ABCA4: variants seen among roughly 807,000 people sequenced by gnomAD.
ABCA4 encodes the protein retinal-specific phospholipid-transporting ATPase ABCA4.
A neutral mutation model predicts 263.7 loss-of-function variants in ABCA4; 196 were observed. The observed-to-expected ratio is 0.74, with a 90% CI of 0.66 to 0.84. ABCA4 has a LOEUF of 0.84. Ranked by LOEUF, ABCA4 falls within the 40% of genes least tolerant of loss-of-function variation. The probability of loss-of-function intolerance (pLI) is 0.00; values close to 1 mark genes in which losing one functional copy is unlikely to be tolerated. For synonymous variants in ABCA4, 1,133 were observed against 1,094.2 expected, an observed-to-expected ratio of 1.04 and a Z score of -0.70; for missense variants, 2,792 against 2,855.1, an observed-to-expected ratio of 0.98 and a Z score of 0.50.
chr1:94,031,912 G>A lies in ABCA4; in HGVS notation c.3994C>T (p.Gln1332Ter), dbSNP rs61752428. The A allele has an allele frequency of 1.2e-6, 2 of 1,614,046 alleles. No individual in the cohort carries two copies. Among genetic ancestry groups the A allele is most frequent in the Non-Finnish European group, 1.7e-6 (2 of 1,180,028 alleles). Residue 1332 changes from glutamine (Q) to a stop codon, truncating the protein, a stop_gained, in exon 27 of 50, where the codon CAG becomes TAG. Transcript: ENST00000370225. LOFTEE classifies it high-confidence loss of function. ...GGGCACTCTGGCTCTGGGGGAGGCT[G>A]GCCCTCTGGGTGAGCAGCCGGCGCC... The part of the protein sequence containing the change: ...PGAPAAHPEG[Q>*]PPPEPECPGP...
chr1:94,051,498 G>C (rs1660838102), intron 17 of ABCA4, 135 bp downstream of exon 17: 3 of 799,770 alleles, frequency 3.8e-6, no homozygotes, highest in Non-Finnish European at 6.4e-6. Flanking sequence ...TCAAGGGGCA[G>C]AGCCCCAGGA....
At chr1:94,111,410 C>G (rs1188621654) in intron 3 of ABCA4, 28 bp downstream of exon 3, 1 of 1,612,800 alleles carries the variant, frequency 6.2e-7, no homozygotes, top group East Asian at 2.2e-5. Flanking sequence ...AACTTCCTCC[C>G]CTGCATGGTA....
At chr1:94,062,501 A>AC in intron 13 of ABCA4, 76 bp downstream of exon 13, 2 of 1,557,790 alleles carry the variant, frequency 1.3e-6, no homozygotes, top group Non-Finnish European at 8.8e-7. Flanking sequence ...CCTTGAGGGC[A>AC]CCCCCAGCCC....
chr1:94,034,107 T>G (rs562620588), intron 26 of ABCA4, among the ~76,000 whole-genome samples: 1 of 152,294 alleles, frequency 6.6e-6, no homozygotes, highest in African/African-American at 2.4e-5. Flanking sequence ...GCATTGACCC[T>G]TGTTGGAGGC....
Position 94,060,528 on chromosome 1 carries a change from T to C in ABCA4, c.2160+9A>G, listed in dbSNP as rs1447782860. 9 of 1,612,572 alleles carry C rather than the reference T, an allele frequency of 5.6e-6. No homozygotes were observed. In the Admixed American group the frequency reaches 1.5e-4, roughly 27 times the overall value. On this transcript the variant is annotated intron_variant, in intron 14 of 49. Transcript: ENST00000370225. ...TCAAGATTTTCTGGGCCTTCTCCATTTGGCTTACCATGATGAATATCGTCA... is the reference window on the plus strand; with the variant it reads ...TCAAGATTTTCTGGGCCTTCTCCATCTGGCTTACCATGATGAATATCGTCA...
intron 18 of ABCA4, among the ~76,000 whole-genome samples, chr1:94,048,520 C>T (rs1303888626): frequency 6.6e-6 from 1 of 152,214 alleles, no homozygotes. Flanking sequence ...CCTTATAGCT[C>T]ATATCCGCTT....
chr1:94,050,016 T>A (rs890434620), intron 17 of ABCA4, among the ~76,000 whole-genome samples: 2 of 152,134 alleles, frequency 1.3e-5, no homozygotes, highest in African/African-American at 4.8e-5. Flanking sequence ...CAAGTGCACA[T>A]ACAGGAGCAG....
chr1:94,035,746 T>C (rs1277422510), intron 26 of ABCA4, among the ~76,000 whole-genome samples: 1 of 152,188 alleles, frequency 6.6e-6, no homozygotes, highest in Non-Finnish European at 1.5e-5. Context: ...GGTGGACACC[T>C]CGTGTTCTAT....
At chr1:94,013,227 G>C (rs114831594) in intron 38 of ABCA4, among the ~76,000 whole-genome samples, 11 of 33,206 alleles carry the variant, frequency 3.3e-4, no homozygotes, top group African/African-American at 5.0e-4. Flanking sequence ...TTATCCCCCC[G>C]CCTTTCCAGA....
chr1:94,065,164 T>C (rs1052145982), intron 11 of ABCA4, among the ~76,000 whole-genome samples: 4 of 151,812 alleles, frequency 2.6e-5, no homozygotes, highest in Non-Finnish European at 5.9e-5. Flanking sequence ...CCTAGAGTTC[T>C]TCCTGCCACA....
intron 8 of ABCA4, among the ~76,000 whole-genome samples, 194 bp from the exon 9 acceptor site, chr1:94,079,655 T>C (rs1661636716): frequency 6.6e-6 from 1 of 152,160 alleles, no homozygotes; most frequent in African/African-American, 2.4e-5. Context: ...TGACTCTCAG[T>C]AATGGCCTCA....
chr1:94,049,040 G>C, intron 17 of ABCA4, 83 bp from the exon 18 acceptor site: 1 of 1,354,674 alleles, frequency 7.4e-7, no homozygotes, highest in East Asian at 2.3e-5. Flanking sequence ...GAGGTACAGG[G>C]AGCAAATGAG....
At chr1:94,116,972 TTC>T (rs1251774310) in intron 1 of ABCA4, among the ~76,000 whole-genome samples, 24 of 76,752 alleles carry the variant, frequency 3.1e-4, no homozygotes, top group African/African-American at 1.1e-3. Context: ...TTCTTTCTCT[TTC>T]TTTCTTTCTT....
chr1:94,026,463 G>A (rs1660042977), intron 30 of ABCA4, among the ~76,000 whole-genome samples: 1 of 152,150 alleles, frequency 6.6e-6, no homozygotes, highest in South Asian at 2.1e-4. Flanking sequence ...TGACTGGGCT[G>A]CAAACTTGCA....
chr1:94,036,668 C>T, intron 26 of ABCA4, 72 bp downstream of exon 26: 2 of 1,516,008 alleles, frequency 1.3e-6, no homozygotes, highest in Admixed American at 1.7e-5. Context: ...TGTGCCCAGC[C>T]CCTTAGACTT....
At chr1:94,055,346 G>C in intron 15 of ABCA4, 31 bp from the exon 16 acceptor site, 1 of 1,608,218 alleles carries the variant, frequency 6.2e-7, no homozygotes, top group Non-Finnish European at 8.5e-7. Flanking sequence ...CACAGAAAAA[G>C]AGCAGTGCCT....
chr1:93,998,951 A>C (rs958173644), intron 47 of ABCA4, among the ~76,000 whole-genome samples: 4 of 140,492 alleles, frequency 2.8e-5, no homozygotes, highest in Non-Finnish European at 3.1e-5. Flanking sequence ...GGGTTTCACT[A>C]TGTTGGCCAG....
At chr1:94,065,313 C>T (rs1483368237) in intron 11 of ABCA4, among the ~76,000 whole-genome samples, 1 of 152,166 alleles carries the variant, frequency 6.6e-6, no homozygotes, top group Non-Finnish European at 1.5e-5. Flanking sequence ...GTCTGAGTGA[C>T]TCCCCCAGAG....
intron 4 of ABCA4, among the ~76,000 whole-genome samples, chr1:94,103,439 G>A (rs1662340884): frequency 6.6e-6 from 1 of 152,180 alleles, no homozygotes; most frequent in Admixed American, 6.5e-5. Context: ...ATTGAGGTGG[G>A]GCTGGGGAAC....
Sources: gnomAD v4.1 joint callset for allele counts (sites outside exome capture counted in the v4.1 genomes callset) on GRCh38, gnomAD v4.1.1 for gene constraint, MANE v1.5 for transcripts, NCBI Gene and HGNC (gene_info 2026-07-23, HGNC 2026-07-21) for gene names.